The following CSGALNACT1 variants were observed in gnomAD, a reference collection of about 807,000 sequenced individuals.
CSGALNACT1 encodes chondroitin sulfate N-acetylgalactosaminyltransferase 1.
CSGALNACT1 carries 52 observed loss-of-function variants against 51.0 expected under a neutral mutation model. The ratio of observed to expected loss-of-function variants is 1.02; its 90% CI spans 0.82 to 1.29. The LOEUF (loss-of-function observed/expected upper bound fraction) is 1.29, where lower values mean the gene tolerates loss of function less well. CSGALNACT1 is among the 50% of genes most tolerant of loss of function. CSGALNACT1 has a pLI of 0.00. For missense variants in CSGALNACT1, 935 were observed against 679.2 expected, an observed-to-expected ratio of 1.38 and a Z score of -4.19; for synonymous variants, 341 against 254.4, an observed-to-expected ratio of 1.34 and a Z score of -3.24.
At chr8:19,561,328 C>T (rs1266384595) in intron 3 of CSGALNACT1, among the ~76,000 whole-genome samples, 1 of 152,102 alleles carries the variant, frequency 6.6e-6, no homozygotes, top group Non-Finnish European at 1.5e-5. Context: ...ATGAAAATGA[C>T]AGAAAACAAA....
chr8:19,619,013 C>T (rs2053457817), intron 1 of CSGALNACT1, among the ~76,000 whole-genome samples: 1 of 152,076 alleles, frequency 6.6e-6, no homozygotes. Context: ...CTGTCAGGCT[C>T]TATGATGGGG....
At chr8:19,634,976 A>G (rs2055828833) in intron 1 of CSGALNACT1, among the ~76,000 whole-genome samples, 1 of 152,182 alleles carries the variant, frequency 6.6e-6, no homozygotes, top group African/African-American at 2.4e-5. Context: ...CTGAGTCAGG[A>G]CTCTGTCATA....
intron 1 of CSGALNACT1, among the ~76,000 whole-genome samples, chr8:19,676,370 C>T (rs2060190678): frequency 6.6e-6 from 1 of 152,088 alleles, no homozygotes; most frequent in Non-Finnish European, 1.5e-5. Context: ...AGCAGGGAAA[C>T]AGGAACTATA....
At chr8:19,539,673 A>G (rs959769014) in intron 3 of CSGALNACT1, among the ~76,000 whole-genome samples, 3 of 152,244 alleles carry the variant, frequency 2.0e-5, no homozygotes, top group East Asian at 1.9e-4. Flanking sequence ...TCAGGCCACA[A>G]CAGGAGTATG....
At chr8:19,458,487 T>C (rs750771269) in exon 5 of CSGALNACT1, 2 of 1,614,066 alleles carry the variant, frequency 1.2e-6, no homozygotes, top group Non-Finnish European at 8.5e-7. Flanking sequence ...ACGATAACAT[T>C]GATAAGCGTG....
At chr8:19,516,356 C>T (rs186418114) in intron 3 of CSGALNACT1, among the ~76,000 whole-genome samples, 17 of 152,278 alleles carry the variant, frequency 1.1e-4, no homozygotes, top group East Asian at 5.8e-4. Context: ...TTACCCACTA[C>T]GCTATACTGT....
intron 3 of CSGALNACT1, among the ~76,000 whole-genome samples, chr8:19,577,879 GC>G (rs1387196155): frequency 6.6e-6 from 1 of 152,168 alleles, no homozygotes; most frequent in African/African-American, 2.4e-5. Flanking sequence ...CAATGGCTGA[GC>G]CAAACTATTG....
intron 1 of CSGALNACT1, among the ~76,000 whole-genome samples, chr8:19,681,641 G>A (rs1330352824): frequency 6.6e-6 from 1 of 152,192 alleles, no homozygotes; most frequent in African/African-American, 2.4e-5. Flanking sequence ...GGGTTCCTAC[G>A]CTTGAAGTGC....
At chr8:19,568,695 T>C (rs1455014055) in intron 3 of CSGALNACT1, among the ~76,000 whole-genome samples, 1 of 152,202 alleles carries the variant, frequency 6.6e-6, no homozygotes, top group Non-Finnish European at 1.5e-5. Context: ...ATTCAGTCAA[T>C]ACATCCAGAA....
Position 19,420,535 on chromosome 8 carries a change from G to C in CSGALNACT1, c.954-17C>G, listed in dbSNP as rs968850502. On this transcript the variant is annotated splice_polypyrimidine_tract_variant and intron_variant, in intron 6 of 9. Coordinates refer to ENST00000454498, the Ensembl canonical transcript of CSGALNACT1. The stretch of plus-strand genomic sequence containing the variant: ...TTGGCAGCTCTGAAAGGCAAGACCA[G>C]GTACTGTCACTCACATTCCCACATG... 1.2e-6 allele frequency: 2 copies of C among 1,612,734 alleles called. No individual in the cohort carries two copies.
chr8:19,594,352 A>G (rs1335349130), intron 2 of CSGALNACT1, among the ~76,000 whole-genome samples: 1 of 152,234 alleles, frequency 6.6e-6, no homozygotes, highest in East Asian at 1.9e-4. Context: ...GAAATCAAGG[A>G]ATACCTAATA....
chr8:19,489,701 A>G (rs1191771757), intron 4 of CSGALNACT1, among the ~76,000 whole-genome samples: 2 of 152,220 alleles, frequency 1.3e-5, no homozygotes, highest in African/African-American at 2.4e-5. Flanking sequence ...TCTTTGCACC[A>G]TCGAGGGTCC....
At chr8:19,453,111 T>A (rs2063491047) in intron 5 of CSGALNACT1, among the ~76,000 whole-genome samples, 1 of 151,662 alleles carries the variant, frequency 6.6e-6, no homozygotes, top group African/African-American at 2.4e-5. Context: ...CAGAATAAAA[T>A]TAAAAGAAAA....
intron 1 of CSGALNACT1, among the ~76,000 whole-genome samples, chr8:19,755,642 C>A (rs927085929): frequency 7.2e-5 from 11 of 152,054 alleles, no homozygotes; most frequent in Admixed American, 5.9e-4. Context: ...TGCCCAAGGT[C>A]ATGCAATTAA....
At chr8:19,716,791 C>CA (rs111640426) in intron 1 of CSGALNACT1, among the ~76,000 whole-genome samples, 13,202 of 145,812 alleles carry the variant, frequency 0.091, 638 homozygotes, top group African/African-American at 0.13. Context: ...GACTTTTTCT[C>CA]AAAAAAAAAA....
chr8:19,679,507 C>T (rs2060440903), intron 1 of CSGALNACT1, among the ~76,000 whole-genome samples: 1 of 152,072 alleles, frequency 6.6e-6, no homozygotes, highest in African/African-American at 2.4e-5. Context: ...ATTCCAACAA[C>T]TTAACCCATA....
At position 19,727,423 on chromosome 8, in the gene CSGALNACT1, C is replaced by T. The variant is rs116625254; in HGVS notation, c.-297+30427G>A. ...AGTGCAGTGGTATGATCACGGCTTTCACTGCAACCTCCACCTCCCAGGCTC... is the reference window on the plus strand; with the variant it reads ...AGTGCAGTGGTATGATCACGGCTTTTACTGCAACCTCCACCTCCCAGGCTC... On this transcript the variant is annotated intron_variant, in intron 1 of 1. Transcript: ENST00000517494. 2.3e-3 allele frequency among the ~76,000 whole-genome samples: 347 copies of T among 152,272 alleles called. 2 individuals are homozygous for T. Among genetic ancestry groups the T allele is most frequent in the African/African-American group, 7.8e-3 (326 of 41,558 alleles).
intron 3 of CSGALNACT1, among the ~76,000 whole-genome samples, chr8:19,552,807 A>C (rs1314356293): frequency 6.6e-6 from 1 of 152,202 alleles, no homozygotes; most frequent in Non-Finnish European, 1.5e-5. Context: ...AATGCTTATA[A>C]GAACAGAATG....
chr8:19,663,705 G>A (rs920305255), intron 1 of CSGALNACT1, among the ~76,000 whole-genome samples: 3 of 152,170 alleles, frequency 2.0e-5, no homozygotes, highest in African/African-American at 7.2e-5. Context: ...AGAGACAAAT[G>A]TATTACCTGG....
Sources: gnomAD v4.1 joint callset for allele counts (sites outside exome capture counted in the v4.1 genomes callset) on GRCh38, gnomAD v4.1.1 for gene constraint, MANE v1.5 for transcripts, NCBI Gene and HGNC (gene_info 2026-07-23, HGNC 2026-07-21) for gene names.